The following CDC7 variants were observed in gnomAD, a reference collection of about 807,000 sequenced individuals.
CDC7 encodes the protein cell division cycle 7.
Under a neutral mutation model 53.5 loss-of-function variants are expected in CDC7, and 34 were observed. The ratio of observed to expected loss-of-function variants is 0.64; its 90% CI spans 0.48 to 0.85. The LOEUF is 0.85. Ranked by LOEUF, CDC7 falls within the 40% of genes least tolerant of loss-of-function variation. The pLI, the probability that CDC7 is intolerant of heterozygous loss-of-function variation, is 0.00. For missense variants in CDC7, 594 were observed against 679.7 expected, an observed-to-expected ratio of 0.87 and a Z score of 1.40; for synonymous variants, 211 against 222.8, an observed-to-expected ratio of 0.95 and a Z score of 0.47.
Position 91,524,298 on chromosome 1 carries a change from A to G in CDC7, c.1588A>G (p.Thr530Ala). Residue 530 changes from threonine (T) to alanine (A), a missense_variant, in exon 12 of 12, where the codon ACC (threonine) becomes GCC (alanine). Coordinates refer to ENST00000234626, the MANE Select transcript of CDC7 (RefSeq NM_003503.4). The stretch of plus-strand genomic sequence containing the variant: ...TGAGCATTGTTTTGATGAGTATAAT[A>G]CCAATTTAGAAGGCTGGAATGAGGT... ...SCEHCFDEYN[T>A]NLEGWNEVPD... 2 of 1,614,090 alleles carry G rather than the reference A, an allele frequency of 1.2e-6. No individual in the cohort carries two copies. Among genetic ancestry groups the G allele is most frequent in the Non-Finnish European group, 1.7e-6 (2 of 1,179,962 alleles).
chr1:91,522,372 C>G (rs1162843760), intron 11 of CDC7, among the ~76,000 whole-genome samples: 1 of 152,162 alleles, frequency 6.6e-6, no homozygotes, highest in Admixed American at 6.5e-5. Context: ...CTTCTCTTAT[C>G]TGTCCTCAAC....
chr1:91,509,097 T>G (rs760346833), intron 4 of CDC7, among the ~76,000 whole-genome samples: 2 of 152,140 alleles, frequency 1.3e-5, no homozygotes, highest in Non-Finnish European at 2.9e-5. Context: ...CTTCCCTCAT[T>G]TGGCCTTTCA....
At chr1:91,514,756 T>C in intron 8 of CDC7, 63 bp from the exon 9 acceptor site, 1 of 1,301,746 alleles carries the variant, frequency 7.7e-7, no homozygotes. Flanking sequence ...TTTGCCATAC[T>C]AGCATTTTAG....
At position 91,511,819 on chromosome 1, in the gene CDC7, A is replaced by T. The variant is rs776945490; in HGVS notation, c.468A>T (p.Glu156Asp). The T allele has an allele frequency of 1.2e-6, 2 of 1,607,438 alleles. No individual in the cohort carries two copies. Among genetic ancestry groups the T allele is most frequent in the Non-Finnish European group, 1.7e-6 (2 of 1,174,960 alleles). The change falls in exon 6 of 12, where the codon GAA (glutamate) becomes GAT (aspartate). Residue 156 changes from glutamate to aspartate, a missense_variant. Glu to Asp is a conservative substitution (Grantham distance 45). Coordinates refer to ENST00000234626, the MANE Select transcript of CDC7 (RefSeq NM_003503.4). ...LNSLSFQEVR[E>D]YMLNLFKALK... ...CTCTTTCCTTTCAAGAAGTACGGGAATATATGCTTAATCTGTTCAAAGCTT... is the reference window on the plus strand; with the variant it reads ...CTCTTTCCTTTCAAGAAGTACGGGATTATATGCTTAATCTGTTCAAAGCTT...
intron 2 of CDC7, among the ~76,000 whole-genome samples, chr1:91,503,902 A>G (rs1666835079): frequency 6.6e-6 from 1 of 152,052 alleles, no homozygotes; most frequent in Non-Finnish European, 1.5e-5. Context: ...TTTTTAATAT[A>G]TATCTTGAAT....
chr1:91,503,811 A>G (rs1666831030), intron 2 of CDC7, among the ~76,000 whole-genome samples: 1 of 152,142 alleles, frequency 6.6e-6, no homozygotes, highest in Non-Finnish European at 1.5e-5. Context: ...TACATTTTTT[A>G]GAAACTAAAT....
At position 91,520,230 on chromosome 1, in the gene CDC7, T is replaced by C; in HGVS notation, c.1281T>C (p.Ile427=). ...ASDDLTALAQ[I]MTIRGSRETI... ...ATGATTTAACTGCTTTGGCCCAAAT[T>C]ATGACAATTAGGGGATCCAGAGAAA... The change falls in exon 11 of 12, where the codon ATT becomes ATC. Residue 427 remains isoleucine (I), a synonymous_variant. Coordinates refer to ENST00000234626, the MANE Select transcript of CDC7 (RefSeq NM_003503.4). 6.2e-7 allele frequency: 1 copy of C among 1,608,686 alleles called. No individual in the cohort carries two copies. Among genetic ancestry groups the C allele is most frequent in the Non-Finnish European group, 8.5e-7 (1 of 1,177,702 alleles).
intron 6 of CDC7, among the ~76,000 whole-genome samples, chr1:91,512,405 C>CT (rs1667333907): frequency 2.0e-5 from 3 of 151,404 alleles, no homozygotes; most frequent in African/African-American, 7.3e-5. Flanking sequence ...GACTTAGAGT[C>CT]TAATAATTTT....
At chr1:91,519,445 AAG>A (rs982584411) in intron 10 of CDC7, among the ~76,000 whole-genome samples, 5 of 151,974 alleles carry the variant, frequency 3.3e-5, no homozygotes, top group African/African-American at 1.2e-4. Flanking sequence ...AAAAAAAGAA[AAG>A]AATATAATTG....
At chr1:91,521,007 T>C (rs1667912857) in intron 11 of CDC7, among the ~76,000 whole-genome samples, 1 of 152,322 alleles carries the variant, frequency 6.6e-6, no homozygotes, top group South Asian at 2.1e-4. Flanking sequence ...ATGTTTATTT[T>C]CCACGCTCAG....
chr1:91,512,609 A>G (rs1371802976), intron 6 of CDC7, among the ~76,000 whole-genome samples: 1 of 152,132 alleles, frequency 6.6e-6, no homozygotes, highest in Non-Finnish European at 1.5e-5. Flanking sequence ...AATGGATCAT[A>G]TTAAACATAA....
At chr1:91,509,660 A>T (rs1667174056) in intron 4 of CDC7, among the ~76,000 whole-genome samples, 2 of 152,270 alleles carry the variant, frequency 1.3e-5, no homozygotes, top group African/African-American at 4.8e-5. Flanking sequence ...CAGCAGCCAG[A>T]ATGATCTTTA....
intron 2 of CDC7, among the ~76,000 whole-genome samples, chr1:91,502,825 T>C (rs494244): frequency 0.94 from 142,934 of 152,176 alleles, 67,401 homozygotes; most frequent in Non-Finnish European, 0.99. Context: ...ACTTTTCCAT[T>C]CTTCAGTTCA....
At chr1:91,513,748 T>C (rs1174835416) in intron 7 of CDC7, among the ~76,000 whole-genome samples, 200 bp from the exon 8 acceptor site, 1 of 152,164 alleles carries the variant, frequency 6.6e-6, no homozygotes, top group African/African-American at 2.4e-5. Flanking sequence ...ATTTGTGGAC[T>C]ATGATAACAT....
chr1:91,524,009 T>C (rs746361189), intron 11 of CDC7, 32 bp from the exon 12 acceptor site: 9 of 1,531,068 alleles, frequency 5.9e-6, no homozygotes, highest in Non-Finnish European at 7.9e-6. Context: ...AATGTTTTTT[T>C]CTGTTTTTGT....
chr1:91,510,937 C>A (rs1300157435), intron 4 of CDC7, among the ~76,000 whole-genome samples: 3 of 152,102 alleles, frequency 2.0e-5, no homozygotes, highest in Non-Finnish European at 4.4e-5. Flanking sequence ...GCTCAGTTTT[C>A]TTTTCTCGCT....
intron 2 of CDC7, among the ~76,000 whole-genome samples, chr1:91,505,216 G>A (rs1296346472): frequency 6.6e-6 from 1 of 152,216 alleles, no homozygotes. Context: ...TGAGATGGGA[G>A]TGTGCCTAGC....
At chr1:91,515,112 A>G (rs1010145461) in intron 9 of CDC7, 115 bp downstream of exon 9, 29 of 690,182 alleles carry the variant, frequency 4.2e-5, no homozygotes, top group Middle Eastern at 5.0e-4. Flanking sequence ...GTGAACTGCA[A>G]TGGGCCTTGA....
At chr1:91,507,799 A>G (rs1667070217) in intron 2 of CDC7, 55 bp from the exon 3 acceptor site, 13 of 1,091,006 alleles carry the variant, frequency 1.2e-5, no homozygotes, top group Admixed American at 1.0e-4. Flanking sequence ...AATTTTAAGA[A>G]ACTGTAAAAT....
Sources: gnomAD v4.1 joint callset for allele counts (sites outside exome capture counted in the v4.1 genomes callset) on GRCh38, gnomAD v4.1.1 for gene constraint, MANE v1.5 for transcripts, NCBI Gene and HGNC (gene_info 2026-07-23, HGNC 2026-07-21) for gene names.